CSMD1: variants seen among roughly 807,000 people sequenced by gnomAD.
CSMD1 encodes the protein CUB and sushi domain-containing protein 1.
In CSMD1, 213 loss-of-function variants were observed where a neutral mutation model predicts 417.5. That is an observed-to-expected ratio of 0.51 (90% CI 0.46 to 0.57). The LOEUF (loss-of-function observed/expected upper bound fraction) is 0.57. CSMD1 is among the 20% of genes least tolerant of loss of function. The pLI is 0.00. For synonymous variants in CSMD1, 2,862 were observed against 1,736.8 expected, an observed-to-expected ratio of 1.65 and a Z score of -16.11; for missense variants, 6,923 against 4,529.7, an observed-to-expected ratio of 1.53 and a Z score of -15.17.
intron 5 of CSMD1, among the ~76,000 whole-genome samples, chr8:3,806,238 A>G (rs995375939): frequency 5.3e-5 from 8 of 152,160 alleles, no homozygotes; most frequent in African/African-American, 1.4e-4. Flanking sequence ...TATGGAGTAC[A>G]TGCAGGTTGT....
intron 6 of CSMD1, among the ~76,000 whole-genome samples, chr8:3,730,783 C>A (rs1195278100): frequency 6.6e-6 from 1 of 152,052 alleles, no homozygotes; most frequent in African/African-American, 2.4e-5. Flanking sequence ...GAGGTGATAC[C>A]CTTAACCTAA....
intron 15 of CSMD1, among the ~76,000 whole-genome samples, chr8:3,403,697 C>G (rs1156877955): frequency 6.6e-6 from 1 of 152,166 alleles, no homozygotes; most frequent in African/African-American, 2.4e-5. Flanking sequence ...AAACTTCTTT[C>G]TCCTGAAAAT....
At chr8:3,241,039 G>C (rs1489556108) in intron 26 of CSMD1, among the ~76,000 whole-genome samples, 1 of 149,108 alleles carries the variant, frequency 6.7e-6, no homozygotes, top group Non-Finnish European at 1.5e-5. Flanking sequence ...GGAGGGAGTA[G>C]AGGTATCTCA....
At chr8:4,433,171 T>C (rs1011225852) in intron 2 of CSMD1, among the ~76,000 whole-genome samples, 4 of 152,196 alleles carry the variant, frequency 2.6e-5, no homozygotes, top group African/African-American at 9.6e-5. Context: ...TTCTGCATTA[T>C]GGCGAGTTGT....
chr8:3,137,646 T>C (rs947763115), intron 41 of CSMD1, among the ~76,000 whole-genome samples: 2 of 152,240 alleles, frequency 1.3e-5, no homozygotes, highest in Non-Finnish European at 2.9e-5. Context: ...TCTTGTATAC[T>C]TGAAGCCATC....
At chr8:3,512,258 C>T (rs773953476) in intron 10 of CSMD1, among the ~76,000 whole-genome samples, 1 of 152,232 alleles carries the variant, frequency 6.6e-6, no homozygotes, top group African/African-American at 2.4e-5. Flanking sequence ...GCATTCTCAT[C>T]TTCAGGGATG....
intron 3 of CSMD1, among the ~76,000 whole-genome samples, chr8:4,360,191 G>T (rs1277402922): frequency 1.3e-5 from 2 of 152,098 alleles, no homozygotes; most frequent in Non-Finnish European, 2.9e-5. Context: ...GAGTAAACGC[G>T]TGGCATTTGT....
At chr8:4,074,398 T>A (rs982650439) in intron 3 of CSMD1, among the ~76,000 whole-genome samples, 1 of 152,134 alleles carries the variant, frequency 6.6e-6, no homozygotes, top group Non-Finnish European at 1.5e-5. Context: ...GTCTATCTCA[T>A]CAAGATAGAA....
chr8:2,972,798 A>G (rs928565240), intron 57 of CSMD1, among the ~76,000 whole-genome samples: 2 of 152,078 alleles, frequency 1.3e-5, no homozygotes, highest in African/African-American at 4.8e-5. Context: ...CTGCTCTGGA[A>G]CCCCACTCAC....
At chr8:2,963,909 A>C (rs1400339645) in intron 59 of CSMD1, among the ~76,000 whole-genome samples, 4 of 152,200 alleles carry the variant, frequency 2.6e-5, no homozygotes, top group African/African-American at 9.6e-5. Context: ...GATGCTGTGG[A>C]ATACCATTTG....
intron 51 of CSMD1, among the ~76,000 whole-genome samples, chr8:3,026,013 G>A (rs1316945379): frequency 6.6e-6 from 1 of 152,122 alleles, no homozygotes. Context: ...CCTGAGTCGA[G>A]ACATCTCCTC....
intron 2 of CSMD1, among the ~76,000 whole-genome samples, chr8:4,486,433 T>C (rs1044718859): frequency 2.0e-5 from 3 of 151,272 alleles, no homozygotes; most frequent in African/African-American, 7.3e-5. Context: ...AATTATAATA[T>C]AGTTGTGAAC....
At chr8:3,903,217 T>C (rs1036477758) in intron 5 of CSMD1, among the ~76,000 whole-genome samples, 10 of 152,240 alleles carry the variant, frequency 6.6e-5, no homozygotes, top group African/African-American at 2.4e-4. Flanking sequence ...TCTGCACCAG[T>C]GGCCTCTAAA....
Position 4,056,924 on chromosome 8 carries a change from C to G in CSMD1, c.416-24825G>C, listed in dbSNP as rs190898143. Among the ~76,000 whole-genome samples, 4 of 152,290 alleles carry G rather than the reference C, an allele frequency of 2.6e-5. No homozygotes were observed. The East Asian group carries it at 7.7e-4, about 29-fold the overall frequency. Reference sequence around the variant, plus strand: ...AGTATATGTGCCACACTTTCTTAATCCAGTTTATCACTGTTGGACATTTGG... The same window carrying G: ...AGTATATGTGCCACACTTTCTTAATGCAGTTTATCACTGTTGGACATTTGG... On this transcript the variant is annotated intron_variant, in intron 3 of 69. Coordinates refer to ENST00000635120, the MANE Select transcript of CSMD1 (RefSeq NM_033225.6).
chr8:3,492,682 C>G (rs1317183487), intron 11 of CSMD1, among the ~76,000 whole-genome samples: 1 of 152,072 alleles, frequency 6.6e-6, no homozygotes, highest in Non-Finnish European at 1.5e-5. Context: ...AAGCAGATGC[C>G]CAGGTCATAA....
At chr8:3,282,340 A>C (rs1189850254) in intron 26 of CSMD1, among the ~76,000 whole-genome samples, 3 of 152,082 alleles carry the variant, frequency 2.0e-5, no homozygotes, top group Non-Finnish European at 4.4e-5. Flanking sequence ...CCTTCTACTC[A>C]ATCTTACTGC....
At chr8:3,666,558 T>C (rs1798705156) in intron 7 of CSMD1, among the ~76,000 whole-genome samples, 1 of 152,280 alleles carries the variant, frequency 6.6e-6, no homozygotes, top group South Asian at 2.1e-4. Context: ...GGTTTGGCTG[T>C]GTCCCCACCC....
chr8:3,900,855 C>G (rs1368344156), intron 5 of CSMD1, among the ~76,000 whole-genome samples: 1 of 152,202 alleles, frequency 6.6e-6, no homozygotes, highest in Non-Finnish European at 1.5e-5. Flanking sequence ...CCGAGCATTA[C>G]TTTTTCAGCC....
intron 5 of CSMD1, among the ~76,000 whole-genome samples, chr8:3,799,410 C>A (rs545536063): frequency 9.2e-6 from 1 of 108,718 alleles, no homozygotes; most frequent in Non-Finnish European, 1.7e-5. Context: ...CCCCACCCCA[C>A]GACAGGCCTT....
Sources: gnomAD v4.1 joint callset for allele counts (sites outside exome capture counted in the v4.1 genomes callset) on GRCh38, gnomAD v4.1.1 for gene constraint, MANE v1.5 for transcripts, NCBI Gene and HGNC (gene_info 2026-07-23, HGNC 2026-07-21) for gene names.